CCDC32: variants seen among roughly 807,000 people sequenced by gnomAD.
CCDC32 encodes the protein coiled-coil domain-containing protein 32.
Under a neutral mutation model 20.1 loss-of-function variants are expected in CCDC32, and 9 were observed. The observed-to-expected ratio is 0.45, with a 90% CI of 0.27 to 0.78. The LOEUF is 0.78. Among genes scored for constraint, CCDC32 ranks in the 30% least tolerant of loss-of-function variants. The pLI is 0.16. For missense variants in CCDC32, 204 were observed against 215.5 expected (o/e 0.95, Z 0.33); for synonymous variants, 63 against 79.0 (o/e 0.80, Z 1.07).
At chr15:40,521,998 C>T in the CCDC32 span, among the ~76,000 whole-genome samples, 2 of 152,034 alleles carry the variant, frequency 1.3e-5, no homozygotes, top group Non-Finnish European at 2.9e-5. Context: ...TCTTTTGTCA[C>T]TTGTGCTTTG....
downstream of CCDC32, chr15:40,538,192 T>C (rs950419359): frequency 1.3e-5 from 2 of 152,208 alleles, no homozygotes; most frequent in African/African-American, 4.8e-5. Flanking sequence ...TACCCACCTA[T>C]TGGCTGGTGA....
chr15:40,533,803 T>C (rs1031709187), downstream of CCDC32, among the ~76,000 whole-genome samples: 64 of 151,672 alleles, frequency 4.2e-4, no homozygotes, highest in African/African-American at 1.4e-3. Context: ...TCATTTGAAA[T>C]AGAGTAATTG....
At position 40,562,777 on chromosome 15, in the gene CCDC32, G is replaced by T; in HGVS notation, c.239C>A (p.Ser80Tyr). 6.2e-7 allele frequency: 1 copy of T among 1,612,586 alleles called. No homozygotes were observed. Among genetic ancestry groups the T allele is most frequent in the Non-Finnish European group, 8.5e-7 (1 of 1,179,100 alleles). Reference protein sequence around the residue: ...PLQDSEVYLASLEKKLRRIKG... With the variant: ...PLQDSEVYLAYLEKKLRRIKG... ...CCTAGAGCCGTCAAACTTACCTAGA[G>T]ATGCTAAATACACTTCTGAATCCTG... Residue 80 changes from serine (S) to tyrosine (Y), a missense_variant, in exon 2 of 4, where the codon TCT (serine) becomes TAT (tyrosine). Coordinates refer to ENST00000416810, the MANE Select transcript of CCDC32 (RefSeq NM_001080792.4).
downstream of CCDC32, chr15:40,535,460 C>A (rs1430958518): frequency 2.0e-6 from 2 of 989,362 alleles, no homozygotes; most frequent in African/African-American, 1.7e-5. Flanking sequence ...AGGGTGTTTA[C>A]AAATTTATAT....
At chr15:40,564,833 C>T in intron 1 of CCDC32, 143 bp downstream of exon 1, 3 of 1,612,090 alleles carry the variant, frequency 1.9e-6, no homozygotes, top group Admixed American at 1.7e-5. Context: ...ATTCCGGCGT[C>T]CAGATCCCAG....
chr15:40,563,028 C>G lies in CCDC32; in HGVS notation c.-12-1G>C. 2.5e-6 allele frequency: 4 copies of G among 1,612,792 alleles called. No homozygotes were observed. Among genetic ancestry groups the G allele is most frequent in the Non-Finnish European group, 2.5e-6 (3 of 1,179,582 alleles). On this transcript the variant is annotated splice_acceptor_variant, in intron 1 of 3. Transcript: ENST00000416810. LOFTEE classifies it low-confidence loss of function (5UTR_SPLICE). ...CAAACATTTTCATTTGGAATCTGAGCTATAAAACAGAAGCTCAAGTGAGTA... is the reference window on the plus strand; with the variant it reads ...CAAACATTTTCATTTGGAATCTGAGGTATAAAACAGAAGCTCAAGTGAGTA...
downstream of CCDC32, among the ~76,000 whole-genome samples, chr15:40,528,194 C>T (rs916708550): frequency 2.0e-5 from 3 of 152,214 alleles, no homozygotes; most frequent in Non-Finnish European, 2.9e-5. Flanking sequence ...CTAACACTTG[C>T]ACGGTCAGTC....
downstream of CCDC32, among the ~76,000 whole-genome samples, chr15:40,527,231 C>T (rs2141594077): frequency 6.7e-6 from 1 of 148,528 alleles, no homozygotes; most frequent in South Asian, 2.2e-4. Flanking sequence ...AGTGCAGTGG[C>T]ACGATCTCAG....
At chr15:40,561,165 T>C (rs1324982623) in intron 2 of CCDC32, among the ~76,000 whole-genome samples, 1 of 152,078 alleles carries the variant, frequency 6.6e-6, no homozygotes, top group African/African-American at 2.4e-5. Context: ...AAGCTATGGG[T>C]ACACAAAGGT....
At chr15:40,536,707 G>A (rs1181905152), downstream of CCDC32, 2 of 152,290 alleles carry the variant, frequency 1.3e-5, no homozygotes, top group Non-Finnish European at 2.9e-5. Context: ...CTCTTGGCAA[G>A]GGCCCACTGC....
chr15:40,530,495 C>G (rs1012247886), downstream of CCDC32, among the ~76,000 whole-genome samples: 1 of 144,108 alleles, frequency 6.9e-6, no homozygotes, highest in Non-Finnish European at 1.5e-5. Flanking sequence ...CTCCCTCTCT[C>G]TCTCTCTCTG....
chr15:40,560,990 A>G (rs1890582748), intron 2 of CCDC32, among the ~76,000 whole-genome samples: 1 of 152,252 alleles, frequency 6.6e-6, no homozygotes, highest in Admixed American at 6.5e-5. Flanking sequence ...GTAGATAAAG[A>G]AAATATGGAA....
At chr15:40,544,511 C>T (rs187978466) in intron 3 of CCDC32, among the ~76,000 whole-genome samples, 36 of 152,270 alleles carry the variant, frequency 2.4e-4, no homozygotes, top group African/African-American at 7.5e-4. Flanking sequence ...AACCACTGTG[C>T]GGAGCCCCCT....
At chr15:40,522,262 A>T in the CCDC32 span, among the ~76,000 whole-genome samples, 5 of 152,234 alleles carry the variant, frequency 3.3e-5, no homozygotes, top group African/African-American at 1.2e-4. Context: ...AAAATCAATT[A>T]ATCATAAATG....
the CCDC32 span, among the ~76,000 whole-genome samples, chr15:40,521,648 T>C: frequency 6.6e-6 from 1 of 152,190 alleles, no homozygotes; most frequent in African/African-American, 2.4e-5. Flanking sequence ...CGCAGACTCT[T>C]GTTATTGTCT....
downstream of CCDC32, among the ~76,000 whole-genome samples, chr15:40,549,774 T>C (rs1403186023): frequency 6.6e-6 from 1 of 152,198 alleles, no homozygotes; most frequent in Non-Finnish European, 1.5e-5. Flanking sequence ...GTATCCTATC[T>C]TGAGTCTTAT....
Position 40,565,037 on chromosome 15 carries a change from G to C in CCDC32, c.-74C>G. 1 of 558,206 alleles carries C rather than the reference G, an allele frequency of 1.8e-6. No homozygotes were observed. The allele number at this position is 558,206 out of a possible 1,614,324, so 34.6% of individuals were successfully genotyped here. A position where few individuals can be genotyped will look rare whatever the true frequency, so the allele number is the denominator to read the frequency against. On this transcript the variant is annotated 5_prime_UTR_variant, in exon 1 of 4. Coordinates refer to ENST00000416810, the MANE Select transcript of CCDC32 (RefSeq NM_001080792.4). ...GTCGCCTGTAGCCCGGAGGAAATCG[G>C]GAGGGGCGGAGTCCCCTAGTGACGG...
intron 2 of CCDC32, among the ~76,000 whole-genome samples, chr15:40,558,618 G>A (rs971746785): frequency 1.3e-5 from 2 of 151,918 alleles, no homozygotes; most frequent in African/African-American, 2.4e-5. Context: ...AATAGGGCAA[G>A]CAGAAACAGG....
downstream of CCDC32, chr15:40,539,143 G>A: frequency 9.8e-7 from 1 of 1,025,520 alleles, no homozygotes. Context: ...AGTAGTTGTT[G>A]CTGTTTCTCC....
Sources: allele counts gnomAD v4.1 joint callset (sites outside exome capture counted in the v4.1 genomes callset), GRCh38; gene constraint gnomAD v4.1.1; transcripts MANE v1.5; gene names NCBI Gene and HGNC (gene_info 2026-07-23, HGNC 2026-07-21).